The following LRP1B variants were observed in gnomAD, a reference collection of about 807,000 sequenced individuals.
LRP1B encodes the protein LDL receptor related protein 1B.
LRP1B carries 217 observed loss-of-function variants against 556.6 expected under a neutral mutation model. The ratio of observed to expected loss-of-function variants is 0.39; its 90% CI spans 0.35 to 0.44. The LOEUF (loss-of-function observed/expected upper bound fraction) is 0.44. LRP1B is among the 20% of genes least tolerant of loss of function. The pLI is 1.00. For missense variants in LRP1B, 5,053 were observed against 5,620.8 expected, an observed-to-expected ratio of 0.90 and a Z score of 3.23; for synonymous variants, 2,047 against 1,865.8, an observed-to-expected ratio of 1.10 and a Z score of -2.50.
chr2:140,839,308 T>A (rs960430975), intron 31 of LRP1B, among the ~76,000 whole-genome samples: 3 of 152,230 alleles, frequency 2.0e-5, no homozygotes, highest in African/African-American at 7.2e-5. Flanking sequence ...AATATGATGG[T>A]TAATATTGAG....
chr2:141,413,873 G>C lies in LRP1B; in HGVS notation c.343+66523C>G, dbSNP rs558685531. The stretch of plus-strand genomic sequence containing the variant: ...CAACCTGGGTGACACAGTGAGGAGA[G>C]AGAGAGAGAGAGAGAGAGACCATGA... On this transcript the variant is annotated intron_variant, in intron 3 of 90. Transcript: ENST00000389484. Among the ~76,000 whole-genome samples, 8 of 151,268 alleles carry C rather than the reference G, an allele frequency of 5.3e-5. No individual in the cohort carries two copies. The East Asian group carries it at 1.2e-3, about 22-fold the overall frequency.
At chr2:141,506,213 C>T (rs1332170236) in intron 2 of LRP1B, among the ~76,000 whole-genome samples, 3 of 152,104 alleles carry the variant, frequency 2.0e-5, no homozygotes, top group African/African-American at 7.2e-5. Context: ...ACACTTGTGA[C>T]TCTTGAATAA....
chr2:140,544,858 G>A (rs930792325), intron 43 of LRP1B, among the ~76,000 whole-genome samples: 2 of 152,014 alleles, frequency 1.3e-5, no homozygotes, highest in Non-Finnish European at 1.5e-5. Context: ...CTGCTGGGTC[G>A]AATGGTATCT....
chr2:142,012,892 C>T (rs1702999331), intron 1 of LRP1B, among the ~76,000 whole-genome samples: 1 of 152,092 alleles, frequency 6.6e-6, no homozygotes, highest in East Asian at 1.9e-4. Flanking sequence ...TTCCTCTAGG[C>T]TTTAACCTCT....
chr2:142,115,513 A>AATATATATAATATATATG (rs1707167195), intron 1 of LRP1B, among the ~76,000 whole-genome samples: 1 of 93,778 alleles, frequency 1.1e-5, no homozygotes, highest in Non-Finnish European at 2.0e-5. Context: ...TATATTATAT[A>AATATATATAATATATATG]TTACATATAT....
chr2:140,484,829 C>G (rs2105361573), intron 59 of LRP1B, among the ~76,000 whole-genome samples: 1 of 152,254 alleles, frequency 6.6e-6, no homozygotes, highest in Middle Eastern at 3.4e-3. Context: ...GCAAATGAAA[C>G]GGATCCACCA....
At chr2:140,950,634 G>A (rs558055324) in intron 19 of LRP1B, among the ~76,000 whole-genome samples, 2 of 152,036 alleles carry the variant, frequency 1.3e-5, no homozygotes, top group South Asian at 4.2e-4. Flanking sequence ...ACAGATGTAT[G>A]TCACCACACC....
chr2:140,902,580 A>G (rs13400335), intron 23 of LRP1B, among the ~76,000 whole-genome samples: 6,248 of 152,178 alleles, frequency 0.041, 158 homozygotes, highest in Middle Eastern at 0.068. Context: ...AGAAATAACA[A>G]TTGGGAATGT....
chr2:141,605,748 G>A (rs564571340), intron 2 of LRP1B, among the ~76,000 whole-genome samples: 73 of 152,270 alleles, frequency 4.8e-4, no homozygotes, highest in African/African-American at 1.6e-3. Context: ...GGTCACCTCA[G>A]CCACAAAGTT....
chr2:140,694,765 CATTA>C (rs950296233), intron 41 of LRP1B, among the ~76,000 whole-genome samples: 3 of 152,190 alleles, frequency 2.0e-5, no homozygotes, highest in South Asian at 2.1e-4. Flanking sequence ...CTGCCTCTAA[CATTA>C]ATTAATTTCT....
At chr2:141,139,009 A>G (rs532469879) in intron 7 of LRP1B, among the ~76,000 whole-genome samples, 1 of 152,088 alleles carries the variant, frequency 6.6e-6, no homozygotes, top group African/African-American at 2.4e-5. Context: ...AGATAAATCA[A>G]TAGGACAGAA....
chr2:141,269,746 T>G (rs1220582845), intron 3 of LRP1B, among the ~76,000 whole-genome samples: 1 of 152,104 alleles, frequency 6.6e-6, no homozygotes, highest in African/African-American at 2.4e-5. Flanking sequence ...TTATGAGACT[T>G]ACAAAGAAAT....
At chr2:140,776,323 C>A in intron 32 of LRP1B, 85 bp from the exon 33 acceptor site, 1 of 863,542 alleles carries the variant, frequency 1.2e-6, no homozygotes, top group South Asian at 2.8e-5. Context: ...ATAATACTCT[C>A]TGATTTCTTT....
At chr2:141,757,031 T>A (rs1694346884) in intron 2 of LRP1B, among the ~76,000 whole-genome samples, 1 of 152,152 alleles carries the variant, frequency 6.6e-6, no homozygotes, top group Non-Finnish European at 1.5e-5. Context: ...TTTTTGCCTT[T>A]AGAAGCATTA....
At chr2:141,643,669 G>T (rs929612107) in intron 2 of LRP1B, among the ~76,000 whole-genome samples, 10 of 152,058 alleles carry the variant, frequency 6.6e-5, no homozygotes, top group African/African-American at 2.4e-4. Flanking sequence ...GAGCTAAAAA[G>T]GATCAAAGAG....
At chr2:140,671,958 C>T (rs1404121817) in intron 41 of LRP1B, among the ~76,000 whole-genome samples, 1 of 152,166 alleles carries the variant, frequency 6.6e-6, no homozygotes, top group African/African-American at 2.4e-5. Context: ...TTAATAGCAT[C>T]AACTCAAGTC....
rs145821118 is a variant in LRP1B, at chr2:140,598,707, C to A, written c.7118G>T (p.Arg2373Leu). The change falls in exon 43 of 91, where the codon CGT becomes CTT. Residue 2373 changes from arginine (R) to leucine (L), a missense_variant. By Grantham distance (102) the Arg-to-Leu change is moderately radical (BLOSUM62 -2). Transcript: ENST00000389484. ...ATCTGAGAAATACAGCTTCTCTGCA[C>A]GGTAGTCGATAGTAAGTCCATTTGG... Reference protein sequence around the residue: ...LTPNGLTIDYRAEKLYFSDGS... With the variant: ...LTPNGLTIDYLAEKLYFSDGS... 1 of 1,613,620 alleles carries A rather than the reference C, an allele frequency of 6.2e-7. No homozygotes were observed. The highest frequency in any genetic ancestry group is 2.2e-5 in the East Asian group (1 of 44,824).
chr2:140,375,821 G>A (rs1683203075), intron 68 of LRP1B, among the ~76,000 whole-genome samples: 1 of 151,916 alleles, frequency 6.6e-6, no homozygotes, highest in South Asian at 2.1e-4. Flanking sequence ...TTCTGTGTGT[G>A]CCACAGAGAT....
At chr2:140,479,518 G>A (rs922935265) in intron 59 of LRP1B, among the ~76,000 whole-genome samples, 2 of 152,122 alleles carry the variant, frequency 1.3e-5, no homozygotes, top group Non-Finnish European at 2.9e-5. Flanking sequence ...ATAGGCCTCT[G>A]TGAATTTGAG....
Sources: gnomAD v4.1 joint callset for allele counts (sites outside exome capture counted in the v4.1 genomes callset) on GRCh38, gnomAD v4.1.1 for gene constraint, MANE v1.5 for transcripts, NCBI Gene and HGNC (gene_info 2026-07-23, HGNC 2026-07-21) for gene names.